Variants in PHLPP2 observed in about 807,000 individuals in gnomAD.
PHLPP2 encodes the protein PH domain and leucine rich repeat protein phosphatase 2.
Under a neutral mutation model 124.9 loss-of-function variants are expected in PHLPP2, and 66 were observed. The ratio of observed to expected loss-of-function variants is 0.53; its 90% CI spans 0.43 to 0.65. The LOEUF (loss-of-function observed/expected upper bound fraction) is 0.65. PHLPP2 is among the 30% of genes least tolerant of loss of function. The pLI is 0.00. For missense variants in PHLPP2, 1,685 were observed against 1,600.4 expected, an observed-to-expected ratio of 1.05 and a Z score of -0.90; for synonymous variants, 681 against 624.7, an observed-to-expected ratio of 1.09 and a Z score of -1.34.
Position 71,645,945 on chromosome 16 carries a change from C to T in PHLPP2, c.*2945G>A, listed in dbSNP as rs1424411966. 1 of 152,464 alleles carries T rather than the reference C, an allele frequency of 6.6e-6. No homozygotes were observed. The highest frequency in any genetic ancestry group is 1.5e-5 in the Non-Finnish European group (1 of 68,044). 9.4% of individuals were successfully genotyped at this position (152,464 alleles called of 1,614,324 possible). On this transcript the variant is annotated 3_prime_UTR_variant, in exon 19 of 19. Coordinates refer to ENST00000568954, the MANE Select transcript of PHLPP2 (RefSeq NM_015020.3). ...TGTATTTTTCTTTCTTCCATGGACT[C>T]CTAAACTGCTCCCACAATCAGCAGT... is the stretch of plus-strand genomic sequence containing the variant.
chr16:71,713,873 T>C (rs553244992), intron 2 of PHLPP2, among the ~76,000 whole-genome samples: 75 of 150,896 alleles, frequency 5.0e-4, no homozygotes, highest in South Asian at 2.3e-3. Context: ...GACAGAAAAG[T>C]ACTTCTCACT....
chr16:71,710,884 A>T (rs909714206), intron 2 of PHLPP2, among the ~76,000 whole-genome samples: 3 of 152,222 alleles, frequency 2.0e-5, no homozygotes, highest in Non-Finnish European at 4.4e-5. Context: ...TAACTGTCGA[A>T]GCCAGGATTT....
At chr16:71,671,313 T>C (rs1350251176) in intron 10 of PHLPP2, among the ~76,000 whole-genome samples, 1 of 152,090 alleles carries the variant, frequency 6.6e-6, no homozygotes, top group African/African-American at 2.4e-5. Flanking sequence ...GGTACTATCT[T>C]ATGCATTTTG....
In PHLPP2 at chr16:71,695,040, A is replaced by T. The variant is rs528739864; in HGVS notation, c.419-4331T>A. ...GACCTCATGATCCGCCCGTCTTGGCATCCCAAAGTGCTGGGATTACAGGCA... is the reference window on the plus strand; with the variant it reads ...GACCTCATGATCCGCCCGTCTTGGCTTCCCAAAGTGCTGGGATTACAGGCA... On this transcript the variant is annotated intron_variant, in intron 3 of 18. Transcript: ENST00000568954. Among the ~76,000 whole-genome samples the T allele has an allele frequency of 7.7e-4, 117 of 152,188 alleles. 1 individual carries two copies. Among genetic ancestry groups the T allele is most frequent in the African/African-American group, 2.7e-3 (114 of 41,528 alleles).
At chr16:71,694,235 C>A (rs2045145019) in intron 3 of PHLPP2, among the ~76,000 whole-genome samples, 1 of 151,030 alleles carries the variant, frequency 6.6e-6, no homozygotes, top group Non-Finnish European at 1.5e-5. Flanking sequence ...AATTGACTGG[C>A]TGGATCACCT....
intron 3 of PHLPP2, among the ~76,000 whole-genome samples, chr16:71,692,825 T>TTA (rs2045128732): frequency 6.6e-6 from 1 of 151,682 alleles, no homozygotes; most frequent in Non-Finnish European, 1.5e-5. Context: ...TTTCTTTGTT[T>TTA]TTTTATTTTT....
At chr16:71,722,130 TACTTAACAAA>T (rs1170061310) in intron 1 of PHLPP2, among the ~76,000 whole-genome samples, 2 of 152,200 alleles carry the variant, frequency 1.3e-5, no homozygotes, top group Non-Finnish European at 2.9e-5. Context: ...ACCACTCAGC[TACTTAACAAA>T]ACTGTATGAG....
chr16:71,691,110 T>C (rs1014562692), intron 3 of PHLPP2, among the ~76,000 whole-genome samples: 12 of 152,184 alleles, frequency 7.9e-5, no homozygotes, highest in African/African-American at 2.7e-4. Flanking sequence ...TTTACTCATT[T>C]ATACAGTTTG....
chr16:71,670,839 AGAG>A (rs1385465160), intron 10 of PHLPP2, among the ~76,000 whole-genome samples: 3 of 152,178 alleles, frequency 2.0e-5, no homozygotes, highest in Non-Finnish European at 4.4e-5. Flanking sequence ...GGCCATGAAC[AGAG>A]GAGAGAAGCT....
intron 1 of PHLPP2, among the ~76,000 whole-genome samples, chr16:71,720,253 G>C (rs2045390251): frequency 6.6e-6 from 1 of 151,580 alleles, no homozygotes; most frequent in Non-Finnish European, 1.5e-5. Context: ...ACAGGCGTGA[G>C]CCACCGCGCC....
At chr16:71,697,128 G>C (rs1333436922) in intron 3 of PHLPP2, among the ~76,000 whole-genome samples, 3 of 151,602 alleles carry the variant, frequency 2.0e-5, no homozygotes, top group Non-Finnish European at 4.4e-5. Context: ...AGCTGAGATG[G>C]CACCACTGCA....
rs1444749552 is a variant in PHLPP2 at position 71,648,613 on chromosome 16, A to T, written c.*277T>A. 1.6e-5 allele frequency: 7 copies of T among 432,778 alleles called. No homozygotes were observed. Among genetic ancestry groups the T allele is most frequent in the Non-Finnish European group, 2.1e-5 (5 of 243,502 alleles). The allele number at this position is 432,778 out of a possible 1,614,324, so 26.8% of individuals were successfully genotyped here. A position where few individuals can be genotyped will look rare whatever the true frequency, so the allele number is the denominator to read the frequency against. The stretch of plus-strand genomic sequence containing the variant: ...GGTGAAACCCCGTCTCTAAAAAAAA[A>T]AAATAAAACTTAGCCGGGCATAATG... On this transcript the variant is annotated 3_prime_UTR_variant, in exon 19 of 19. Coordinates refer to ENST00000568954, the MANE Select transcript of PHLPP2 (RefSeq NM_015020.3).
intron 8 of PHLPP2, chr16:71,677,811 T>C (rs576819166): frequency 1.2e-4 from 18 of 152,238 alleles, no homozygotes; most frequent in African/African-American, 3.9e-4. Context: ...TGTAATACAA[T>C]GGGTATCAAG....
chr16:71,712,738 A>C (rs1466039630), intron 2 of PHLPP2, among the ~76,000 whole-genome samples: 2 of 152,246 alleles, frequency 1.3e-5, no homozygotes, highest in Non-Finnish European at 2.9e-5. Context: ...TAAAAGGAAC[A>C]CATAGTAGAT....
intron 1 of PHLPP2, among the ~76,000 whole-genome samples, chr16:71,717,941 G>T (rs1006752802): frequency 2.0e-5 from 3 of 152,176 alleles, no homozygotes; most frequent in Non-Finnish European, 4.4e-5. Context: ...ACCCAGCCTG[G>T]ACTACAGTGG....
At chr16:71,681,669 C>T in intron 6 of PHLPP2, 82 bp downstream of exon 6, 1 of 1,081,356 alleles carries the variant, frequency 9.2e-7, no homozygotes, top group African/African-American at 1.6e-5. Flanking sequence ...AATATACATA[C>T]AATGGTAGCA....
At chr16:71,663,601 G>GAA (rs2044812952) in intron 13 of PHLPP2, among the ~76,000 whole-genome samples, 2 of 152,120 alleles carry the variant, frequency 1.3e-5, no homozygotes, top group Non-Finnish European at 2.9e-5. Context: ...CAAGAGAAAA[G>GAA]AAAAAATTGT....
rs1193745694 is a variant in PHLPP2 at position 71,672,294 on chromosome 16, T to C, written c.1500A>G (p.Val500=). Residue 500 remains valine (V), a synonymous_variant, in exon 10 of 19, where the codon GTA becomes GTG. Transcript: ENST00000568954. ...GATCCAAGAAAGTGAGCAGGCTGGG[T>C]ACTGGATAGACGTTCACTGCTGTCA... ...NRLTAVNVYP[V]PSLLTFLDLS... is the part of the protein sequence containing the mutation. The C allele has an allele frequency of 1.9e-6, 3 of 1,613,724 alleles. No homozygotes were observed. The highest frequency in any genetic ancestry group is 1.7e-4 in the Middle Eastern group (1 of 6,060).
At chr16:71,688,906 G>A (rs1330258232) in intron 4 of PHLPP2, among the ~76,000 whole-genome samples, 1 of 152,162 alleles carries the variant, frequency 6.6e-6, no homozygotes, top group Non-Finnish European at 1.5e-5. Flanking sequence ...CAAAGGCCAT[G>A]TAACTGGATT....
Sources: allele counts gnomAD v4.1 joint callset (sites outside exome capture counted in the v4.1 genomes callset), GRCh38; gene constraint gnomAD v4.1.1; transcripts MANE v1.5; gene names NCBI Gene and HGNC (gene_info 2026-07-23, HGNC 2026-07-21).